Variants in FRZB observed in about 807,000 individuals in gnomAD.
The protein encoded by FRZB is secreted frizzled-related protein 3.
FRZB carries 34 observed loss-of-function variants against 32.5 expected under a neutral mutation model. The ratio of observed to expected loss-of-function variants is 1.05; its 90% CI spans 0.80 to 1.39. The LOEUF is 1.39. Among genes scored for constraint, FRZB ranks in the 40% most tolerant of loss-of-function variants. FRZB has a pLI of 0.00. For missense variants in FRZB, 423 were observed against 424.8 expected (o/e 1.00, Z 0.04); for synonymous variants, 170 against 159.2 (o/e 1.07, Z -0.51).
chr2:182,852,200 AAG>A (rs1695717442), intron 2 of FRZB, among the ~76,000 whole-genome samples: 1 of 152,270 alleles, frequency 6.6e-6, no homozygotes, highest in Non-Finnish European at 1.5e-5. Flanking sequence ...AATAGAAAGA[AAG>A]AGAGGGAATG....
At chr2:182,857,214 A>G (rs955434708) in intron 2 of FRZB, among the ~76,000 whole-genome samples, 1 of 152,360 alleles carries the variant, frequency 6.6e-6, no homozygotes, top group Non-Finnish European at 1.5e-5. Flanking sequence ...CAAAGGAAAT[A>G]TCAAGGAAAA....
Position 182,866,565 on chromosome 2 carries a change from A to T in FRZB, c.-13T>A, listed in dbSNP as rs1010551709. On this transcript the variant is annotated 5_prime_UTR_variant, in exon 1 of 6. Coordinates refer to ENST00000295113, the MANE Select transcript of FRZB (RefSeq NM_001463.4). This position sits in a 1 kb window ranked among gnomAD's most constrained non-coding sequence, Gnocchi z 4.5. ...TGCCGCAGACCATGATCCCGGCAGG[A>T]TGGGGCAGGGTGCAGCCGCGCAGTG... is the stretch of plus-strand genomic sequence containing the variant. The T allele has an allele frequency of 1.4e-6, 2 of 1,441,474 alleles. No homozygotes were observed. Among genetic ancestry groups the T allele is most frequent in the Non-Finnish European group, 1.8e-6 (2 of 1,099,998 alleles). 89.3% of individuals were successfully genotyped at this position (1,441,474 alleles called of 1,614,324 possible).
chr2:182,836,265 A>T (rs1287444336), intron 5 of FRZB, among the ~76,000 whole-genome samples: 2 of 152,034 alleles, frequency 1.3e-5, no homozygotes, highest in African/African-American at 4.8e-5. Flanking sequence ...GCTAAGAGCA[A>T]ATCTGATTGA....
chr2:182,852,977 T>C (rs1695726427), intron 2 of FRZB, among the ~76,000 whole-genome samples: 1 of 152,250 alleles, frequency 6.6e-6, no homozygotes, highest in Non-Finnish European at 1.5e-5. Context: ...AAGAGGTCCT[T>C]ATGTGGGTTA....
chr2:182,836,990 G>T (rs1320441284), intron 5 of FRZB, among the ~76,000 whole-genome samples: 1 of 151,718 alleles, frequency 6.6e-6, no homozygotes, highest in Non-Finnish European at 1.5e-5. Flanking sequence ...ACCGCCCAGG[G>T]GTGTTTAACT....
At chr2:182,865,692 C>T (rs535537331) in intron 1 of FRZB, among the ~76,000 whole-genome samples, 1 of 152,168 alleles carries the variant, frequency 6.6e-6, no homozygotes, top group Admixed American at 6.5e-5. Flanking sequence ...CAAAGAAAAC[C>T]CAATGATTAT....
intron 1 of FRZB, among the ~76,000 whole-genome samples, chr2:182,865,368 T>C (rs1695879110): frequency 1.3e-5 from 2 of 152,168 alleles, no homozygotes; most frequent in Non-Finnish European, 2.9e-5. Flanking sequence ...GTCTGCCAGC[T>C]CTATGGCAAG....
chr2:182,847,353 T>C (rs1695655921), intron 2 of FRZB, among the ~76,000 whole-genome samples: 1 of 152,156 alleles, frequency 6.6e-6, no homozygotes, highest in Non-Finnish European at 1.5e-5. Flanking sequence ...TAAAGGAGAC[T>C]GAGAAGCAGC....
chr2:182,862,629 T>C (rs374279499), intron 1 of FRZB, among the ~76,000 whole-genome samples: 231 of 152,356 alleles, frequency 1.5e-3, no homozygotes, highest in Non-Finnish European at 3.0e-3. Flanking sequence ...TTTACCAACA[T>C]AACCATTTCA....
At chr2:182,837,831 A>C in intron 5 of FRZB, 117 bp downstream of exon 5, 1 of 747,332 alleles carries the variant, frequency 1.3e-6, no homozygotes, top group Non-Finnish European at 2.2e-6. Context: ...ATGCATACTA[A>C]ATTTTAATAT....
At chr2:182,859,636 G>A (rs1423839148) in intron 1 of FRZB, among the ~76,000 whole-genome samples, 1 of 152,030 alleles carries the variant, frequency 6.6e-6, no homozygotes. Flanking sequence ...TTTATTCTAG[G>A]AGAAAATAGT....
rs1212354408 is a variant in FRZB at position 182,842,565 on chromosome 2, T to C, written c.527-22A>G. On this transcript the variant is annotated intron_variant, in intron 2 of 5. Transcript: ENST00000295113. ...CGTTCTGAAAAACACATTTTAGTTATAAGCACATTTCCAATATTAGCTTTC... is the reference window on the plus strand; with the variant it reads ...CGTTCTGAAAAACACATTTTAGTTACAAGCACATTTCCAATATTAGCTTTC... The C allele has an allele frequency of 3.2e-6, 5 of 1,579,188 alleles. No homozygotes were observed. In the Admixed American group the frequency reaches 5.0e-5, roughly 16 times the overall value.
chr2:182,839,350 G>T (rs1695562047), intron 3 of FRZB, among the ~76,000 whole-genome samples: 1 of 151,506 alleles, frequency 6.6e-6, no homozygotes, highest in Non-Finnish European at 1.5e-5. Flanking sequence ...CCTCTAAGTG[G>T]GCTATATTTA....
chr2:182,842,100 A>G (rs1422123642), intron 3 of FRZB, among the ~76,000 whole-genome samples: 2 of 152,162 alleles, frequency 1.3e-5, no homozygotes, highest in Non-Finnish European at 2.9e-5. Context: ...CTTATGCATC[A>G]AAGTGCTCTG....
intron 5 of FRZB, among the ~76,000 whole-genome samples, chr2:182,835,873 T>C (rs1174421761): frequency 6.6e-6 from 1 of 152,184 alleles, no homozygotes; most frequent in Non-Finnish European, 1.5e-5. Context: ...ATGGCCCAAG[T>C]TCAAATTCTA....
chr2:182,843,411 C>T (rs1695606137), intron 2 of FRZB, among the ~76,000 whole-genome samples: 1 of 151,924 alleles, frequency 6.6e-6, no homozygotes, highest in East Asian at 1.9e-4. Flanking sequence ...ACATCATAAG[C>T]ATGGCAAATT....
intron 2 of FRZB, among the ~76,000 whole-genome samples, chr2:182,855,909 G>A (rs1052704096): frequency 5.9e-5 from 9 of 152,000 alleles, no homozygotes; most frequent in Non-Finnish European, 1.3e-4. Flanking sequence ...GAAAACTGAT[G>A]TATTACTTAC....
chr2:182,835,713 T>C (rs10206989), intron 5 of FRZB, among the ~76,000 whole-genome samples: 88 of 152,224 alleles, frequency 5.8e-4, no homozygotes, highest in African/African-American at 2.1e-3. Context: ...GGATATCATA[T>C]GGGGAATTTG....
intron 1 of FRZB, 112 bp downstream of exon 1, chr2:182,865,963 G>C (rs1695885110): frequency 1.5e-5 from 12 of 784,978 alleles, no homozygotes; most frequent in Non-Finnish European, 2.3e-5. Context: ...AGTTATGGGA[G>C]AGATTAAGTG....
Sources: gnomAD v4.1 joint callset for allele counts (sites outside exome capture counted in the v4.1 genomes callset) on GRCh38, gnomAD v4.1.1 for gene constraint, Gnocchi (gnomAD v3.1) non-coding constraint, MANE v1.5 for transcripts, NCBI Gene and HGNC (gene_info 2026-07-23, HGNC 2026-07-21) for gene names.